Variants in FHIT observed in about 807,000 individuals in gnomAD.
FHIT encodes the protein bis(5'-adenosyl)-triphosphatase.
Under a neutral mutation model 17.9 loss-of-function variants are expected in FHIT, and 19 were observed. That is an observed-to-expected ratio of 1.06 (90% CI 0.74 to 1.56). FHIT has a LOEUF of 1.56. FHIT is among the 40% of genes most tolerant of loss of function. The probability of loss-of-function intolerance (pLI) is 0.00; values close to 1 mark genes in which losing one functional copy is unlikely to be tolerated. For synonymous variants in FHIT, 81 were observed against 69.7 expected, an observed-to-expected ratio of 1.16 and a Z score of -0.81; for missense variants, 248 against 189.2, an observed-to-expected ratio of 1.31 and a Z score of -1.82.
intron 2 of FHIT, among the ~76,000 whole-genome samples, chr3:61,189,061 C>T (rs4688338): frequency 0.23 from 35,369 of 151,562 alleles, 5,312 homozygotes; most frequent in East Asian, 0.71. Context: ...CTATTCAACA[C>T]AGTGTTGGAA....
At chr3:61,197,340 A>T (rs1409281167) in intron 2 of FHIT, among the ~76,000 whole-genome samples, 1 of 152,258 alleles carries the variant, frequency 6.6e-6, no homozygotes, top group African/African-American at 2.4e-5. Context: ...GCACAGAGTC[A>T]CAAAGCTAGC....
intron 5 of FHIT, among the ~76,000 whole-genome samples, chr3:60,342,393 A>G (rs1710569678): frequency 6.6e-6 from 1 of 152,202 alleles, no homozygotes; most frequent in African/African-American, 2.4e-5. Flanking sequence ...TCCTAGGTTT[A>G]TGAATGTTTT....
At chr3:61,152,768 C>T (rs942346580) in intron 2 of FHIT, among the ~76,000 whole-genome samples, 1 of 135,848 alleles carries the variant, frequency 7.4e-6, no homozygotes, top group East Asian at 4.2e-4. Flanking sequence ...ATCAGTATGG[C>T]ATCTAATGAG....
chr3:59,929,363 GTTTTTTTT>G (rs869243844), intron 7 of FHIT, among the ~76,000 whole-genome samples: 3 of 67,066 alleles, frequency 4.5e-5, no homozygotes, highest in East Asian at 4.2e-4. Context: ...TGTTTTTTTG[GTTTTTTTT>G]TTTTTTTTTT....
At chr3:60,987,521 A>G (rs997268019) in intron 3 of FHIT, among the ~76,000 whole-genome samples, 2 of 152,236 alleles carry the variant, frequency 1.3e-5, no homozygotes, top group African/African-American at 4.8e-5. Flanking sequence ...TAGTATCTAT[A>G]GAAACAATGC....
intron 7 of FHIT, among the ~76,000 whole-genome samples, chr3:59,929,921 G>A (rs997888205): frequency 6.6e-6 from 1 of 151,226 alleles, no homozygotes; most frequent in East Asian, 1.9e-4. Context: ...GGATGAGAGT[G>A]CAAGTAGTTT....
chr3:61,070,070 T>C (rs2034751140), intron 2 of FHIT, among the ~76,000 whole-genome samples: 1 of 152,108 alleles, frequency 6.6e-6, no homozygotes, highest in African/African-American at 2.4e-5. Flanking sequence ...TTGTGTATAT[T>C]TTTAGTAGAG....
chr3:60,773,727 T>C (rs1700123372), intron 4 of FHIT, among the ~76,000 whole-genome samples: 1 of 152,274 alleles, frequency 6.6e-6, no homozygotes. Flanking sequence ...CCTTTGGCCT[T>C]ATAGTTTATT....
At chr3:60,165,697 C>G (rs1184900711) in intron 5 of FHIT, among the ~76,000 whole-genome samples, 2 of 152,192 alleles carry the variant, frequency 1.3e-5, no homozygotes, top group African/African-American at 4.8e-5. Context: ...CTCTTCTCCT[C>G]TCCTTAAATT....
At chr3:59,948,591 T>G (rs1201827177) in intron 7 of FHIT, among the ~76,000 whole-genome samples, 1 of 151,970 alleles carries the variant, frequency 6.6e-6, no homozygotes, top group Non-Finnish European at 1.5e-5. Context: ...GTAGTTGTCT[T>G]CTATATTTCC....
Position 59,855,996 on chromosome 3 carries a change from T to C in FHIT, c.348+66350A>G, listed in dbSNP as rs567646588. Among the ~76,000 whole-genome samples the C allele has an allele frequency of 1.5e-3, 223 of 152,212 alleles. 1 individual carries two copies. The highest frequency in any genetic ancestry group is 5.0e-3 in the African/African-American group (206 of 41,540). ...CGTGGTTTCACTGTGTTAGCCAAGA[T>C]GGTCTTGATCTCCTGACTTCGTGAT... is the stretch of plus-strand genomic sequence containing the variant. On this transcript the variant is annotated intron_variant, in intron 8 of 9. Transcript: ENST00000492590.
At chr3:59,939,511 G>A (rs1439020683) in intron 7 of FHIT, among the ~76,000 whole-genome samples, 5 of 152,160 alleles carry the variant, frequency 3.3e-5, no homozygotes, top group African/African-American at 4.8e-5. Context: ...CGCAGGAGGT[G>A]AGGTGAGGTG....
intron 5 of FHIT, among the ~76,000 whole-genome samples, chr3:60,190,511 G>C (rs1702352686): frequency 6.6e-6 from 1 of 152,090 alleles, no homozygotes. Flanking sequence ...CACTTTAGGA[G>C]TCCAAAGCAG....
At chr3:60,117,332 G>T (rs1209451279) in intron 5 of FHIT, among the ~76,000 whole-genome samples, 4 of 152,046 alleles carry the variant, frequency 2.6e-5, no homozygotes, top group African/African-American at 9.7e-5. Flanking sequence ...AGAAAATATG[G>T]AAGTTCAAAT....
chr3:60,275,489 T>C (rs1235266507), intron 5 of FHIT, among the ~76,000 whole-genome samples: 2 of 152,232 alleles, frequency 1.3e-5, no homozygotes, highest in South Asian at 2.1e-4. Context: ...TGTATATTCT[T>C]TTCCTATAGA....
intron 5 of FHIT, among the ~76,000 whole-genome samples, chr3:60,529,915 A>T (rs956305924): frequency 2.0e-5 from 3 of 152,152 alleles, no homozygotes; most frequent in Non-Finnish European, 2.9e-5. Context: ...ACAGAATTAC[A>T]TTCTGTGTAG....
chr3:59,902,955 C>T (rs1704401457), intron 8 of FHIT, among the ~76,000 whole-genome samples: 1 of 152,086 alleles, frequency 6.6e-6, no homozygotes, highest in Non-Finnish European at 1.5e-5. Flanking sequence ...TCACCATGCA[C>T]ACACACAAAA....
At chr3:60,926,115 T>C (rs1207839571) in intron 3 of FHIT, among the ~76,000 whole-genome samples, 8 of 152,250 alleles carry the variant, frequency 5.3e-5, no homozygotes, top group Admixed American at 4.6e-4. Flanking sequence ...TGGGAGACTT[T>C]AACAATCCAC....
At chr3:59,904,762 C>T (rs1045718888) in intron 8 of FHIT, among the ~76,000 whole-genome samples, 5 of 152,108 alleles carry the variant, frequency 3.3e-5, no homozygotes, top group African/African-American at 9.7e-5. Flanking sequence ...CAGTTTTTAG[C>T]GAAGAGGGGA....
Sources: gnomAD v4.1 joint callset for allele counts (sites outside exome capture counted in the v4.1 genomes callset) on GRCh38, gnomAD v4.1.1 for gene constraint, MANE v1.5 for transcripts, NCBI Gene and HGNC (gene_info 2026-07-23, HGNC 2026-07-21) for gene names.